Variants in SEL1L3 observed in about 807,000 individuals in gnomAD.
The protein encoded by SEL1L3 is SEL1L family member 3.
In SEL1L3, 76 loss-of-function variants were observed where a neutral mutation model predicts 142.8. The ratio of observed to expected loss-of-function variants is 0.53; its 90% CI spans 0.44 to 0.64. SEL1L3 has a LOEUF of 0.64. SEL1L3 is among the 30% of genes least tolerant of loss of function. The probability of loss-of-function intolerance (pLI) is 0.00; values close to 1 mark genes in which losing one functional copy is unlikely to be tolerated. For missense variants in SEL1L3, 1,262 were observed against 1,381.7 expected (o/e 0.91, Z 1.37); for synonymous variants, 504 against 519.6 (o/e 0.97, Z 0.41).
chr4:25,853,318 C>A (rs1317256085), intron 1 of SEL1L3, among the ~76,000 whole-genome samples: 1 of 152,182 alleles, frequency 6.6e-6, no homozygotes, highest in African/African-American at 2.4e-5. Context: ...CCTTCAAATT[C>A]TGTTTCAAAA....
rs1167603109 is a variant in SEL1L3, at chr4:25,818,252, G to C, written c.1450C>G (p.Leu484Val). ...GAGGGTCTCCCATACCTGCGCTGGA[G>C]GTCCAGGTAGGAGTTGTGGAGGTGG... The part of the protein sequence containing the change: ...ACHLHNSYLD[L>V]QRRYGRPSMC... Residue 484 changes from leucine to valine, a missense_variant, in exon 9 of 24, where the codon CTC (leucine) becomes GTC (valine). By Grantham distance (32) the Leu-to-Val change is conservative. Coordinates refer to ENST00000399878, the MANE Select transcript of SEL1L3 (RefSeq NM_015187.5). 1.1e-5 allele frequency: 17 copies of C among 1,601,986 alleles called. No individual in the cohort carries two copies. Among genetic ancestry groups the C allele is most frequent in the Non-Finnish European group, 1.3e-5 (15 of 1,174,260 alleles).
At chr4:25,858,953 C>T (rs985082472) in intron 1 of SEL1L3, among the ~76,000 whole-genome samples, 6 of 152,206 alleles carry the variant, frequency 3.9e-5, no homozygotes, top group Admixed American at 2.0e-4. Flanking sequence ...GCTATCCACT[C>T]CGAACATTTC....
Position 25,819,974 on chromosome 4 carries a change from A to G in SEL1L3, c.1291-34T>C, listed in dbSNP as rs553058021. ...AGGCAAGAAAGTCAAATGAACAACA[A>G]TTGTCATCAAATATCCATCCACCTC... On this transcript the variant is annotated intron_variant, in intron 7 of 23. Transcript: ENST00000399878. The G allele has an allele frequency of 5.0e-5, 79 of 1,592,218 alleles. 1 individual carries two copies. The highest frequency in any genetic ancestry group is 3.8e-4 in the East Asian group (17 of 44,310).
chr4:25,772,924 A>G (rs1206880661), intron 17 of SEL1L3, among the ~76,000 whole-genome samples: 1 of 152,070 alleles, frequency 6.6e-6, no homozygotes, highest in Non-Finnish European at 1.5e-5. Flanking sequence ...CAGCCTCCCG[A>G]GTAGCTGAGA....
the SEL1L3 span, among the ~76,000 whole-genome samples, chr4:25,725,643 G>A: frequency 6.6e-6 from 1 of 152,052 alleles, no homozygotes; most frequent in African/African-American, 2.4e-5. Context: ...GTTATTTCCT[G>A]ATTATACGCT....
intron 20 of SEL1L3, among the ~76,000 whole-genome samples, chr4:25,762,802 AC>A (rs1230243838): frequency 6.6e-6 from 1 of 152,054 alleles, no homozygotes; most frequent in African/African-American, 2.4e-5. Flanking sequence ...ACATGGTGAA[AC>A]CCCGTTTCTA....
Position 25,765,434 on chromosome 4 carries a change from T to C in SEL1L3, c.2847A>G (p.Ala949=). The C allele has an allele frequency of 6.3e-7, 1 of 1,592,156 alleles. No homozygotes were observed. Residue 949 remains alanine, a splice_region_variant and synonymous_variant, in exon 20 of 24, where the codon GCA becomes GCG. Transcript: ENST00000399878. ...SVFQIDAPSF[A]YLKMGDLYYY... ...AGTAAAGGTCTCCCATCTTCAAATA[T>C]GCTGCAGGAAATAAAGCACAGATCC...
chr4:25,838,400 C>T (rs1715967485), intron 2 of SEL1L3, among the ~76,000 whole-genome samples: 1 of 152,166 alleles, frequency 6.6e-6, no homozygotes, highest in Non-Finnish European at 1.5e-5. Flanking sequence ...ATGGTGCAAA[C>T]CCCTCCATTT....
chr4:25,772,427 T>C (rs769655419), intron 17 of SEL1L3, among the ~76,000 whole-genome samples: 11 of 152,186 alleles, frequency 7.2e-5, no homozygotes, highest in Non-Finnish European at 1.6e-4. Context: ...ACAATTGACA[T>C]TGTCTTGTAA....
At chr4:25,857,302 C>T (rs567981047) in intron 1 of SEL1L3, among the ~76,000 whole-genome samples, 7 of 152,294 alleles carry the variant, frequency 4.6e-5, no homozygotes, top group Admixed American at 4.6e-4. Context: ...TGAGAGCTGG[C>T]CAGAGCCACA....
At chr4:25,779,511 A>G (rs1719858238) in intron 15 of SEL1L3, among the ~76,000 whole-genome samples, 1 of 152,238 alleles carries the variant, frequency 6.6e-6, no homozygotes, top group African/African-American at 2.4e-5. Context: ...AGAAGACTAT[A>G]TCAGAAGTCA....
At chr4:25,789,003 C>T (rs987999690) in intron 12 of SEL1L3, among the ~76,000 whole-genome samples, 6 of 152,204 alleles carry the variant, frequency 3.9e-5, no homozygotes, top group Non-Finnish European at 7.3e-5. Context: ...AATGCAAGCT[C>T]TGGCACACCC....
intron 6 of SEL1L3, 139 bp from the exon 7 acceptor site, chr4:25,822,267 C>T (rs755767868): frequency 1.5e-5 from 14 of 948,216 alleles, no homozygotes; most frequent in African/African-American, 9.9e-5. Flanking sequence ...ATGAGACCAG[C>T]GTAGGGTCAG....
chr4:25,850,903 T>C (rs1164859068), intron 1 of SEL1L3, among the ~76,000 whole-genome samples: 1 of 151,810 alleles, frequency 6.6e-6, no homozygotes, highest in East Asian at 1.9e-4. Flanking sequence ...CAGGCTGGAG[T>C]GCAGTGACGC....
rs1718070218 is a variant in SEL1L3, at chr4:25,757,551, T to C, written c.3242A>G (p.Tyr1081Cys). 1 of 1,537,386 alleles carries C rather than the reference T, an allele frequency of 6.5e-7. No homozygotes were observed. The highest frequency in any genetic ancestry group is 1.4e-5 in the African/African-American group (1 of 70,414). Reference sequence around the variant, plus strand: ...ATCTTTACCTGAGACAGACTGGAAATACTGCACAGTCCAGGCGATCAATAT... The same window carrying C: ...ATCTTTACCTGAGACAGACTGGAAACACTGCACAGTCCAGGCGATCAATAT... The part of the protein sequence containing the change: ...LSILIAWTVQ[Y>C]FQSVSASDPP... Residue 1081 changes from tyrosine (Y) to cysteine (C), a missense_variant, in exon 23 of 24, where the codon TAT (tyrosine) becomes TGT (cysteine). This residue lies in a region of SEL1L3 where 138 missense variants were observed against 129.7 expected (regional missense o/e 1.06). Coordinates refer to ENST00000399878, the MANE Select transcript of SEL1L3 (RefSeq NM_015187.5).
intron 20 of SEL1L3, among the ~76,000 whole-genome samples, chr4:25,763,710 T>C (rs745562441): frequency 1.3e-5 from 2 of 152,056 alleles, no homozygotes; most frequent in Admixed American, 1.3e-4. Flanking sequence ...TAGCCGGACA[T>C]GCACTTGTAT....
At chr4:25,849,535 G>A (rs1252002812) in intron 1 of SEL1L3, among the ~76,000 whole-genome samples, 1 of 152,154 alleles carries the variant, frequency 6.6e-6, no homozygotes, top group African/African-American at 2.4e-5. Context: ...GGGAAGAGGG[G>A]ATTGAGGAGT....
intron 20 of SEL1L3, 143 bp downstream of exon 20, chr4:25,765,183 G>A: frequency 1.6e-6 from 1 of 621,934 alleles, no homozygotes; most frequent in Admixed American, 2.8e-5. Context: ...TTGTAGAGAT[G>A]GGGTTTCGCC....
chr4:25,774,073 C>A (rs191166091), intron 17 of SEL1L3, among the ~76,000 whole-genome samples: 61 of 152,270 alleles, frequency 4.0e-4, no homozygotes, highest in Non-Finnish European at 8.4e-4. Context: ...TCCAGGCACC[C>A]CAGTGTGTAA....
Sources: allele counts gnomAD v4.1 joint callset (sites outside exome capture counted in the v4.1 genomes callset), GRCh38; gene constraint gnomAD v4.1.1; regional missense constraint gnomAD v4.1.1; transcripts MANE v1.5; gene names NCBI Gene and HGNC (gene_info 2026-07-23, HGNC 2026-07-21).